Variants in CDH12 observed in about 807,000 individuals in gnomAD.
CDH12 encodes cadherin-12.
Under a neutral mutation model 74.1 loss-of-function variants are expected in CDH12, and 41 were observed. The observed-to-expected ratio is 0.55, with a 90% CI of 0.43 to 0.72. CDH12 has a LOEUF of 0.72. Among genes scored for constraint, CDH12 ranks in the 30% least tolerant of loss-of-function variants. CDH12 has a pLI of 0.00. For missense variants in CDH12, 945 were observed against 977.2 expected, an observed-to-expected ratio of 0.97 and a Z score of 0.44; for synonymous variants, 399 against 355.0, an observed-to-expected ratio of 1.12 and a Z score of -1.39.
At chr5:22,801,230 C>T (rs1748492449) in intron 1 of CDH12, among the ~76,000 whole-genome samples, 1 of 152,108 alleles carries the variant, frequency 6.6e-6, no homozygotes, top group Admixed American at 6.6e-5. Context: ...CTAGATTTTG[C>T]TCCTTCTAAC....
chr5:22,658,252 C>T (rs746984003), intron 1 of CDH12, among the ~76,000 whole-genome samples: 26 of 151,954 alleles, frequency 1.7e-4, no homozygotes, highest in Non-Finnish European at 4.4e-5. Context: ...GGGGAAAAGA[C>T]CAAAATGGAT....
chr5:22,841,920 T>C (rs1195650578), intron 1 of CDH12, among the ~76,000 whole-genome samples: 3 of 152,118 alleles, frequency 2.0e-5, no homozygotes, highest in African/African-American at 7.2e-5. Context: ...GAAAGGGAGA[T>C]GAAGTGTTCA....
At chr5:22,163,843 T>A (rs1748504990) in intron 4 of CDH12, among the ~76,000 whole-genome samples, 1 of 152,202 alleles carries the variant, frequency 6.6e-6, no homozygotes, top group African/African-American at 2.4e-5. Context: ...AGGTCATTTT[T>A]TCATCTCACT....
intron 2 of CDH12, among the ~76,000 whole-genome samples, chr5:22,463,386 T>C (rs1022883060): frequency 3.3e-5 from 5 of 152,308 alleles, no homozygotes; most frequent in Non-Finnish European, 7.4e-5. Context: ...GTCATAGTTT[T>C]ACCATGTATA....
chr5:22,246,968 A>G (rs979834420), intron 3 of CDH12, among the ~76,000 whole-genome samples: 1 of 152,228 alleles, frequency 6.6e-6, no homozygotes, highest in Non-Finnish European at 1.5e-5. Context: ...AAAGCATTTA[A>G]TAAAGTTATT....
chr5:22,636,893 G>A (rs890024164), intron 1 of CDH12, among the ~76,000 whole-genome samples: 2 of 152,188 alleles, frequency 1.3e-5, no homozygotes, highest in African/African-American at 2.4e-5. Flanking sequence ...GAACATTGAA[G>A]AGGACAAGTT....
chr5:22,013,300 T>G (rs1737403231), intron 5 of CDH12, among the ~76,000 whole-genome samples: 1 of 152,082 alleles, frequency 6.6e-6, no homozygotes, highest in Admixed American at 6.6e-5. Context: ...TCAGATAACC[T>G]GAGAACTCAC....
chr5:22,320,466 G>A (rs1323784737), intron 3 of CDH12, among the ~76,000 whole-genome samples: 2 of 151,998 alleles, frequency 1.3e-5, no homozygotes, highest in Middle Eastern at 6.8e-3. Flanking sequence ...CATTGATAAA[G>A]CATGTTATAA....
chr5:22,581,607 T>A (rs1561506361), intron 1 of CDH12, among the ~76,000 whole-genome samples: 2 of 151,886 alleles, frequency 1.3e-5, no homozygotes, highest in Non-Finnish European at 1.5e-5. Flanking sequence ...CCACACAGAG[T>A]ACCTACTGGG....
At chr5:22,476,799 G>A (rs1746188411) in intron 2 of CDH12, among the ~76,000 whole-genome samples, 2 of 151,994 alleles carry the variant, frequency 1.3e-5, no homozygotes, top group South Asian at 2.1e-4. Context: ...AACTATACTC[G>A]ATATTTGAAT....
At chr5:22,796,174 G>A (rs539601560) in intron 1 of CDH12, among the ~76,000 whole-genome samples, 1 of 152,084 alleles carries the variant, frequency 6.6e-6, no homozygotes, top group South Asian at 2.1e-4. Flanking sequence ...TATCTCTTTC[G>A]AATACCGATT....
chr5:22,293,012 C>T (rs142584390), intron 3 of CDH12, among the ~76,000 whole-genome samples: 1 of 51,582 alleles, frequency 1.9e-5, no homozygotes, highest in Non-Finnish European at 5.7e-5. Flanking sequence ...CATTCCCAAT[C>T]TGTAACCCAC....
chr5:22,775,613 T>C (rs1747050239), intron 1 of CDH12, among the ~76,000 whole-genome samples: 1 of 152,122 alleles, frequency 6.6e-6, no homozygotes, highest in South Asian at 2.1e-4. Context: ...ACTTTTCCTT[T>C]TCGGTGAGAT....
At chr5:21,928,285 A>G (rs1331136991) in intron 6 of CDH12, among the ~76,000 whole-genome samples, 2 of 152,150 alleles carry the variant, frequency 1.3e-5, no homozygotes, top group Non-Finnish European at 2.9e-5. Flanking sequence ...CAAAAGAAAA[A>G]TGATCCAGAA....
intron 3 of CDH12, among the ~76,000 whole-genome samples, chr5:22,319,590 G>A (rs545882212): frequency 6.6e-6 from 1 of 152,114 alleles, no homozygotes; most frequent in African/African-American, 2.4e-5. Flanking sequence ...AAAATCAGGA[G>A]GTTCATCATG....
chr5:21,874,919 C>A (rs534810697), intron 6 of CDH12, among the ~76,000 whole-genome samples: 68 of 152,234 alleles, frequency 4.5e-4, no homozygotes, highest in Admixed American at 7.2e-4. Flanking sequence ...TTCTTGAGGA[C>A]AAGAACCCCA....
At chr5:22,431,868 A>T (rs11738873) in intron 2 of CDH12, among the ~76,000 whole-genome samples, 35,865 of 152,226 alleles carry the variant, frequency 0.24, 5,343 homozygotes, top group Admixed American at 0.44. Context: ...AGTATTATGA[A>T]AGAGAGTAGA....
intron 2 of CDH12, among the ~76,000 whole-genome samples, chr5:22,430,043 T>C (rs1323441701): frequency 6.6e-6 from 1 of 152,168 alleles, no homozygotes; most frequent in Non-Finnish European, 1.5e-5. Flanking sequence ...ATTTGCATGA[T>C]CAAGACTATT....
chr5:22,389,649 AAT>A (rs1491408408), intron 3 of CDH12, among the ~76,000 whole-genome samples: 9 of 99,322 alleles, frequency 9.1e-5, no homozygotes, highest in African/African-American at 3.0e-4. Context: ...ATAAAAAGAC[AAT>A]TTTTTTTTTT....
Sources: allele counts gnomAD v4.1 joint callset (sites outside exome capture counted in the v4.1 genomes callset), GRCh38; gene constraint gnomAD v4.1.1; transcripts MANE v1.5; gene names NCBI Gene and HGNC (gene_info 2026-07-23, HGNC 2026-07-21).